The following ANO5 variants were observed in gnomAD, a reference collection of about 807,000 sequenced individuals.
The protein encoded by ANO5 is anoctamin-5.
A neutral mutation model predicts 121.0 loss-of-function variants in ANO5; 109 were observed. The ratio of observed to expected loss-of-function variants is 0.90; its 90% CI spans 0.77 to 1.06. The LOEUF is 1.06. Ranked by LOEUF, ANO5 falls within the 50% of genes least tolerant of loss-of-function variation. The pLI is 0.00. For synonymous variants in ANO5, 406 were observed against 359.9 expected, an observed-to-expected ratio of 1.13 and a Z score of -1.45; for missense variants, 1,064 against 1,078.5, an observed-to-expected ratio of 0.99 and a Z score of 0.19.
At chr11:22,237,580 G>A (rs1438316632) in intron 8 of ANO5, among the ~76,000 whole-genome samples, 6 of 151,922 alleles carry the variant, frequency 3.9e-5, no homozygotes, top group East Asian at 1.9e-4. Context: ...TAGTAGAGAC[G>A]GGGTTTTGCT....
intron 9 of ANO5, among the ~76,000 whole-genome samples, chr11:22,246,881 C>T (rs1018269586): frequency 8.3e-6 from 1 of 120,930 alleles, no homozygotes; most frequent in Non-Finnish European, 1.8e-5. Context: ...AAAAAAAAAG[C>T]AAAAAAGAAA....
At chr11:22,245,380 C>T (rs1213087902) in intron 9 of ANO5, among the ~76,000 whole-genome samples, 2 of 152,168 alleles carry the variant, frequency 1.3e-5, no homozygotes, top group African/African-American at 4.8e-5. Flanking sequence ...TTCAGTATTA[C>T]TTCTGATGTG....
At chr11:22,241,329 A>C (rs1002856692) in intron 9 of ANO5, among the ~76,000 whole-genome samples, 1 of 37,076 alleles carries the variant, frequency 2.7e-5, no homozygotes, top group African/African-American at 1.6e-4. Flanking sequence ...TGTCTTTGCT[A>C]TTGTGAATAG....
intron 21 of ANO5, among the ~76,000 whole-genome samples, chr11:22,277,319 G>A (rs866512991): frequency 3.3e-5 from 5 of 151,474 alleles, no homozygotes; most frequent in African/African-American, 4.8e-5. Context: ...AATTTATTTA[G>A]CAGCAACATA....
intron 12 of ANO5, among the ~76,000 whole-genome samples, chr11:22,254,761 T>C (rs1268542015): frequency 6.6e-6 from 1 of 152,172 alleles, no homozygotes; most frequent in Non-Finnish European, 1.5e-5. Flanking sequence ...ATATATATTC[T>C]TCAATTGAAA....
At position 22,272,962 on chromosome 11, in the gene ANO5, A is replaced by T; in HGVS notation, c.2208A>T (p.Gly736=). 6.2e-7 allele frequency: 1 copy of T among 1,614,044 alleles called. No homozygotes were observed. The change falls in exon 19 of 22, where the codon GGA becomes GGT. Residue 736 remains glycine, a synonymous_variant. Coordinates refer to ENST00000324559, the MANE Select transcript of ANO5 (RefSeq NM_213599.3). ...SIGVWQDILY[G]MAVLSVATNA... The stretch of plus-strand genomic sequence containing the variant: ...GTGTTTGGCAAGACATTCTTTATGG[A>T]ATGGCTGTCCTTTCTGTTGCAACTA...
chr11:22,267,455 A>G (rs1854404540), intron 17 of ANO5, among the ~76,000 whole-genome samples: 1 of 150,798 alleles, frequency 6.6e-6, no homozygotes, highest in African/African-American at 2.5e-5. Context: ...TATTATCTAC[A>G]ATACTTTTTA....
At chr11:22,229,629 T>C (rs2133621192) in intron 7 of ANO5, among the ~76,000 whole-genome samples, 1 of 152,098 alleles carries the variant, frequency 6.6e-6, no homozygotes, top group East Asian at 1.9e-4. Context: ...CTGAAAAGTA[T>C]TTTAGAGATA....
At position 22,236,209 on chromosome 11, in the gene ANO5, A is replaced by C; in HGVS notation, c.695A>C (p.Lys232Thr). ...SRCPFGIEDG[K>T]KRFGIERLLN... is the part of the protein sequence containing the mutation. Reference sequence around the variant, plus strand: ...TGTCCTTTTGGCATAGAAGATGGGAAGAAAAGGTTTGGGATTGAAAGACTG... The same window carrying C: ...TGTCCTTTTGGCATAGAAGATGGGACGAAAAGGTTTGGGATTGAAAGACTG... Residue 232 changes from lysine (K) to threonine (T), a missense_variant, in exon 8 of 22, where the codon AAG (lysine) becomes ACG (threonine). Physicochemically the swap from Lys to Thr is moderately conservative, Grantham distance 78. Transcript: ENST00000324559. 6.2e-7 allele frequency: 1 copy of C among 1,613,478 alleles called. No homozygotes were observed. Among genetic ancestry groups the C allele is most frequent in the Non-Finnish European group, 8.5e-7 (1 of 1,179,618 alleles).
At chr11:22,226,187 A>G (rs1257583169) in intron 6 of ANO5, 135 bp downstream of exon 6, 1 of 707,380 alleles carries the variant, frequency 1.4e-6, no homozygotes, top group Non-Finnish European at 2.5e-6. Flanking sequence ...GTGCACCGGG[A>G]TGATAGGGCC....
intron 16 of ANO5, 103 bp downstream of exon 16, chr11:22,262,401 A>T: frequency 8.2e-7 from 1 of 1,224,494 alleles, no homozygotes; most frequent in Non-Finnish European, 1.2e-6. Context: ...ATTACAAAAT[A>T]TATCTAGGCA....
At chr11:22,255,596 A>T (rs1025558727) in intron 13 of ANO5, 74 bp downstream of exon 13, 2 of 1,557,718 alleles carry the variant, frequency 1.3e-6, no homozygotes, top group African/African-American at 1.4e-5. Context: ...TCATATAATC[A>T]TAGTTTATTT....
At chr11:22,193,599 G>T (rs1851719753) in intron 1 of ANO5, 67 bp downstream of exon 1, 2 of 1,565,350 alleles carry the variant, frequency 1.3e-6, no homozygotes, top group Non-Finnish European at 1.7e-6. Context: ...CACCCGCGGC[G>T]CAGAGGCCCC....
At chr11:22,262,868 T>C in intron 16 of ANO5, 78 bp from the exon 17 acceptor site, 1 of 1,093,844 alleles carries the variant, frequency 9.1e-7, no homozygotes, top group South Asian at 1.2e-5. Context: ...ATTTTATAGT[T>C]TAGGGTTTCC....
At chr11:22,257,072 GTT>G (rs60615449) in intron 13 of ANO5, among the ~76,000 whole-genome samples, 5 of 151,038 alleles carry the variant, frequency 3.3e-5, no homozygotes, top group Non-Finnish European at 4.4e-5. Flanking sequence ...TGCTGACAGC[GTT>G]TTTTTTTTGT....
chr11:22,222,509 A>G (rs1564920700), intron 5 of ANO5, among the ~76,000 whole-genome samples: 1 of 150,272 alleles, frequency 6.7e-6, no homozygotes, highest in Non-Finnish European at 1.5e-5. Context: ...TTATACCTCA[A>G]ATCTTTCTGA....
At chr11:22,268,274 CTTTT>C (rs147615939) in intron 17 of ANO5, among the ~76,000 whole-genome samples, 19 of 147,652 alleles carry the variant, frequency 1.3e-4, no homozygotes, top group African/African-American at 3.7e-4. Context: ...AAACAGTTGA[CTTTT>C]TTTTTTAATA....
chr11:22,228,094 T>C (rs972819303), intron 7 of ANO5, among the ~76,000 whole-genome samples: 6 of 152,118 alleles, frequency 3.9e-5, no homozygotes, highest in Non-Finnish European at 7.4e-5. Flanking sequence ...TTTGAAGTCC[T>C]AGGATCTTTA....
chr11:22,273,790 A>G (rs1239649814), intron 19 of ANO5, among the ~76,000 whole-genome samples: 3 of 152,156 alleles, frequency 2.0e-5, no homozygotes, highest in African/African-American at 7.2e-5. Context: ...GAAAAAAAGT[A>G]TGAGAGACTC....
Sources: allele counts gnomAD v4.1 joint callset (sites outside exome capture counted in the v4.1 genomes callset), GRCh38; gene constraint gnomAD v4.1.1; transcripts MANE v1.5; gene names NCBI Gene and HGNC (gene_info 2026-07-23, HGNC 2026-07-21).